Variants in TMEM51 observed in about 807,000 individuals in gnomAD.
TMEM51 encodes transmembrane protein 51, also known as chromosome 1 open reading frame 72.
In TMEM51, 8 loss-of-function variants were observed where a neutral mutation model predicts 13.6. The observed-to-expected ratio is 0.59, with a 90% CI of 0.35 to 1.07. The LOEUF is 1.07. TMEM51 is among the 50% of genes least tolerant of loss of function. The probability of loss-of-function intolerance (pLI) is 0.02; values close to 1 mark genes in which losing one functional copy is unlikely to be tolerated. For synonymous variants in TMEM51, 147 were observed against 144.4 expected (o/e 1.02, Z -0.13); for missense variants, 279 against 330.7 (o/e 0.84, Z 1.21).
intron 2 of TMEM51, among the ~76,000 whole-genome samples, chr1:15,213,198 C>T (rs1003902355): frequency 3.3e-5 from 5 of 152,178 alleles, no homozygotes; most frequent in Non-Finnish European, 7.3e-5. Flanking sequence ...GTGCCTAACT[C>T]GCTACTTAGG....
In TMEM51 at chr1:15,207,191, C is replaced by T. The variant is rs769512276; in HGVS notation, c.-266-3299C>T. On this transcript the variant is annotated intron_variant, in intron 1 of 3. Coordinates refer to ENST00000376008, the MANE Select transcript of TMEM51 (RefSeq NM_001136218.2). The surrounding 1 kb of genome is among the most constrained non-coding windows in gnomAD (Gnocchi z 4.6). ...TGCAGGGAGAATGCTCAAGGAGCCC[C>T]TCTGTCATGGGGGTTGGTAGCACCG... Among the ~76,000 whole-genome samples the T allele has an allele frequency of 1.2e-4, 19 of 152,178 alleles. No individual in the cohort carries two copies. Among genetic ancestry groups the T allele is most frequent in the Admixed American group, 5.9e-4 (9 of 15,288 alleles).
intron 1 of TMEM51, chr1:15,171,364 G>A (rs965435234): frequency 4.8e-6 from 6 of 1,259,284 alleles, no homozygotes; most frequent in South Asian, 1.3e-5. Context: ...TGCATTCATA[G>A]GGGGGGCGGC....
rs1642765863 is a variant in TMEM51, at chr1:15,161,067, C to T, written c.-267+7113C>T. On this transcript the variant is annotated intron_variant, in intron 1 of 3. Transcript: ENST00000376008. This position sits in a 1 kb window ranked among gnomAD's most constrained non-coding sequence, Gnocchi z 4.0. ...GCAGCCGCCACCGCCAAAGGTCTTC[C>T]TGGTGGAGGCAACTGCCTGTGCAAA... Among the ~76,000 whole-genome samples, 1 of 152,126 alleles carries T rather than the reference C, an allele frequency of 6.6e-6. No homozygotes were observed. Among genetic ancestry groups the T allele is most frequent in the Non-Finnish European group, 1.5e-5 (1 of 68,026 alleles).
chr1:15,165,325 G>T (rs935610671), intron 1 of TMEM51, among the ~76,000 whole-genome samples: 1 of 151,956 alleles, frequency 6.6e-6, no homozygotes, highest in Non-Finnish European at 1.5e-5. Flanking sequence ...AAGAAGAAAT[G>T]CTGGTGGCCA....
intron 1 of TMEM51, among the ~76,000 whole-genome samples, chr1:15,189,045 T>C (rs956296658): frequency 2.0e-5 from 3 of 151,904 alleles, no homozygotes; most frequent in African/African-American, 7.3e-5. Context: ...ATTTGGTCAT[T>C]ATATATTTTT....
intron 1 of TMEM51, among the ~76,000 whole-genome samples, chr1:15,158,767 C>G (rs1372471853): frequency 3.9e-5 from 6 of 152,154 alleles, no homozygotes; most frequent in Admixed American, 3.9e-4. Context: ...TGGAAGTACT[C>G]GTATCTTGGG....
intron 3 of TMEM51, among the ~76,000 whole-genome samples, chr1:15,216,031 C>CAAAA (rs112675244): frequency 6.9e-6 from 1 of 144,572 alleles, no homozygotes; most frequent in African/African-American, 2.6e-5. Flanking sequence ...GACTCTGTCT[C>CAAAA]AAAAAAAAAA....
chr1:15,214,299 G>A (rs1407235589), intron 2 of TMEM51, among the ~76,000 whole-genome samples: 1 of 152,160 alleles, frequency 6.6e-6, no homozygotes, highest in Admixed American at 6.6e-5. Flanking sequence ...TCTGGAGGGT[G>A]GTTGGGGGTG....
At chr1:15,171,372 G>A (rs2100837165) in intron 1 of TMEM51, 4 of 1,249,878 alleles carry the variant, frequency 3.2e-6, no homozygotes, top group Non-Finnish European at 3.1e-6. Flanking sequence ...TAGGGGGGGC[G>A]GCAGAAAGGA....
chr1:15,164,276 T>G, intron 1 of TMEM51: 1 of 438,498 alleles, frequency 2.3e-6, no homozygotes. Flanking sequence ...GATGCCACAT[T>G]GCATTTGGTC....
At chr1:15,171,247 A>G (rs1479991947) in intron 1 of TMEM51, 1 of 1,304,236 alleles carries the variant, frequency 7.7e-7, no homozygotes, top group Non-Finnish European at 1.0e-6. Flanking sequence ...TTTGAGATCA[A>G]AAGGTTTGCA....
Position 15,207,193 on chromosome 1 carries a change from C to G in TMEM51, c.-266-3297C>G. On this transcript the variant is annotated intron_variant, in intron 1 of 3. Transcript: ENST00000376008. The surrounding 1 kb of genome is among the most constrained non-coding windows in gnomAD (Gnocchi z 4.6). Reference sequence around the variant, plus strand: ...CAGGGAGAATGCTCAAGGAGCCCCTCTGTCATGGGGGTTGGTAGCACCGCC... The same window carrying G: ...CAGGGAGAATGCTCAAGGAGCCCCTGTGTCATGGGGGTTGGTAGCACCGCC... 6.6e-6 allele frequency among the ~76,000 whole-genome samples: 1 copy of G among 152,300 alleles called. No homozygotes were observed. Among genetic ancestry groups the G allele is most frequent in the Middle Eastern group, 3.4e-3 (1 of 294 alleles).
chr1:15,162,107 G>A (rs2100814621), intron 1 of TMEM51, among the ~76,000 whole-genome samples: 1 of 151,980 alleles, frequency 6.6e-6, no homozygotes, highest in East Asian at 1.9e-4. Context: ...CCATTCAAGA[G>A]GGATCCACTC....
chr1:15,186,061 A>G (rs895187858), intron 1 of TMEM51, among the ~76,000 whole-genome samples: 1 of 152,218 alleles, frequency 6.6e-6, no homozygotes, highest in Non-Finnish European at 1.5e-5. Context: ...CCTGAGCCCA[A>G]GGGAGGGACC....
At position 15,212,954 on chromosome 1, in the gene TMEM51, C is replaced by T. The variant is rs7415110; in HGVS notation, c.-193-1941C>T. Among the ~76,000 whole-genome samples, 344 of 152,370 alleles carry T rather than the reference C, an allele frequency of 2.3e-3. 2 individuals are homozygous for T. The highest frequency in any genetic ancestry group is 0.018 in the Admixed American group (268 of 15,310). On this transcript the variant is annotated intron_variant, in intron 2 of 3. Coordinates refer to ENST00000376008, the MANE Select transcript of TMEM51 (RefSeq NM_001136218.2). ...TTCAAGAGCAGAGCCAGTGCGTTCA[C>T]GCACGTGCACATACACAGTGCTGTG... is the stretch of plus-strand genomic sequence containing the variant.
intron 1 of TMEM51, among the ~76,000 whole-genome samples, chr1:15,172,835 G>A (rs146087987): frequency 3.3e-5 from 5 of 152,300 alleles, no homozygotes; most frequent in East Asian, 1.9e-4. Flanking sequence ...GACGTGAATC[G>A]TCTCTTTGTC....
chr1:15,218,307 G>A (rs1644460127), intron 3 of TMEM51, among the ~76,000 whole-genome samples: 1 of 152,178 alleles, frequency 6.6e-6, no homozygotes, highest in Non-Finnish European at 1.5e-5. Flanking sequence ...ACTGAAAGTT[G>A]GTAGCAACTT....
chr1:15,206,184 C>T (rs150607389), intron 1 of TMEM51, among the ~76,000 whole-genome samples: 81 of 140,968 alleles, frequency 5.7e-4, no homozygotes, highest in African/African-American at 2.1e-3. Context: ...TACAGTAAGC[C>T]ATGATCATGC....
chr1:15,203,842 G>A (rs541717496), intron 1 of TMEM51, among the ~76,000 whole-genome samples: 1 of 152,306 alleles, frequency 6.6e-6, no homozygotes, highest in Non-Finnish European at 1.5e-5. Context: ...ACAGATGACA[G>A]AGCTGAGACT....
Sources: gnomAD v4.1 joint callset for allele counts (sites outside exome capture counted in the v4.1 genomes callset) on GRCh38, gnomAD v4.1.1 for gene constraint, Gnocchi (gnomAD v3.1) non-coding constraint, MANE v1.5 for transcripts, NCBI Gene and HGNC (gene_info 2026-07-23, HGNC 2026-07-21) for gene names.